The following PPM1L variants were observed in gnomAD, a reference collection of about 807,000 sequenced individuals.
PPM1L encodes protein phosphatase, Mg2+/Mn2+ dependent 1L.
A neutral mutation model predicts 31.4 loss-of-function variants in PPM1L; 13 were observed. The observed-to-expected ratio is 0.41, with a 90% CI of 0.27 to 0.66. The LOEUF (loss-of-function observed/expected upper bound fraction) is 0.66. Ranked by LOEUF, PPM1L falls within the 30% of genes least tolerant of loss-of-function variation. The pLI is 0.29. For synonymous variants in PPM1L, 184 were observed against 175.4 expected, an observed-to-expected ratio of 1.05 and a Z score of -0.39; for missense variants, 326 against 453.7, an observed-to-expected ratio of 0.72 and a Z score of 2.56.
chr3:160,775,765 G>GT (rs1711544586), intron 1 of PPM1L, among the ~76,000 whole-genome samples: 1 of 152,196 alleles, frequency 6.6e-6, no homozygotes, highest in Admixed American at 6.5e-5. Flanking sequence ...GTTTTCAAAC[G>GT]TAAGTGCAAG....
At chr3:160,797,349 C>T (rs1712278373) in intron 1 of PPM1L, among the ~76,000 whole-genome samples, 1 of 152,154 alleles carries the variant, frequency 6.6e-6, no homozygotes, top group African/African-American at 2.4e-5. Context: ...CTGACTACTC[C>T]ATTGACCCAC....
chr3:160,854,825 C>T (rs901234935), intron 1 of PPM1L, among the ~76,000 whole-genome samples: 1 of 140,524 alleles, frequency 7.1e-6, no homozygotes, highest in South Asian at 2.3e-4. Flanking sequence ...ATCAAACTAC[C>T]AATGACATTG....
chr3:160,986,298 G>A (rs538672863), intron 2 of PPM1L, among the ~76,000 whole-genome samples: 1 of 152,326 alleles, frequency 6.6e-6, no homozygotes, highest in East Asian at 1.9e-4. Flanking sequence ...GGAACAGATT[G>A]AGGAAGGAAA....
intron 2 of PPM1L, among the ~76,000 whole-genome samples, chr3:161,006,340 A>G (rs1717703036): frequency 2.0e-5 from 3 of 152,190 alleles, no homozygotes; most frequent in Non-Finnish European, 2.9e-5. Flanking sequence ...GATGGGTGCC[A>G]GAGGCTGAGG....
At chr3:160,924,411 A>T in intron 1 of PPM1L, among the ~76,000 whole-genome samples, 1 of 152,226 alleles carries the variant, frequency 6.6e-6, no homozygotes, top group Middle Eastern at 3.2e-3. Context: ...TTCCAGAATC[A>T]AAAGGTCTAG....
At chr3:160,775,572 G>A (rs1157666536) in intron 1 of PPM1L, among the ~76,000 whole-genome samples, 2 of 152,168 alleles carry the variant, frequency 1.3e-5, no homozygotes, top group Admixed American at 1.3e-4. Flanking sequence ...CTAGGCAAGT[G>A]GTTTTCATCA....
At chr3:161,035,571 T>C (rs1718720710) in intron 2 of PPM1L, among the ~76,000 whole-genome samples, 1 of 152,232 alleles carries the variant, frequency 6.6e-6, no homozygotes, top group Admixed American at 6.5e-5. Context: ...GAATAGGAGA[T>C]GCAAGATTAA....
At chr3:160,866,712 C>G (rs549722593) in intron 1 of PPM1L, among the ~76,000 whole-genome samples, 2 of 152,240 alleles carry the variant, frequency 1.3e-5, no homozygotes, top group South Asian at 4.1e-4. Flanking sequence ...TAACTCATTC[C>G]CCCATATATT....
intron 2 of PPM1L, among the ~76,000 whole-genome samples, chr3:160,970,604 C>T (rs569280501): frequency 1.3e-5 from 2 of 151,566 alleles, no homozygotes; most frequent in South Asian, 2.1e-4. Flanking sequence ...CATGTGCAAC[C>T]ACGCCCAGCT....
At chr3:161,060,193 T>C (rs1253306028) in intron 2 of PPM1L, among the ~76,000 whole-genome samples, 4 of 152,156 alleles carry the variant, frequency 2.6e-5, no homozygotes, top group Non-Finnish European at 4.4e-5. Context: ...AAAAGGCCTC[T>C]CTGAAGATGT....
At position 160,993,803 on chromosome 3, in the gene PPM1L, C is replaced by T. The variant is rs560870265; in HGVS notation, c.574+31893C>T. Among the ~76,000 whole-genome samples, 16 of 152,198 alleles carry T rather than the reference C, an allele frequency of 1.1e-4. No homozygotes were observed. The South Asian group carries it at 1.5e-3, about 14-fold the overall frequency. ...CACAGCCAAGTTACAAAACTTGAAC[C>T]GACAAATGGTATATACAGACAGACA... is the stretch of plus-strand genomic sequence containing the variant. On this transcript the variant is annotated intron_variant, in intron 2 of 3. Coordinates refer to ENST00000498165, the MANE Select transcript of PPM1L (RefSeq NM_139245.4).
intron 1 of PPM1L, among the ~76,000 whole-genome samples, chr3:160,781,768 C>T (rs1486021478): frequency 3.3e-5 from 5 of 152,144 alleles, no homozygotes; most frequent in East Asian, 1.9e-4. Flanking sequence ...GGAAGCCTAA[C>T]GATATGGGGG....
At chr3:160,798,405 G>A (rs1017869755) in intron 1 of PPM1L, among the ~76,000 whole-genome samples, 4 of 152,154 alleles carry the variant, frequency 2.6e-5, no homozygotes, top group African/African-American at 9.7e-5. Flanking sequence ...CTTGTTAAGA[G>A]ATAATGTAGC....
At chr3:160,895,518 C>T (rs939196747) in intron 1 of PPM1L, among the ~76,000 whole-genome samples, 14 of 152,126 alleles carry the variant, frequency 9.2e-5, no homozygotes, top group African/African-American at 3.1e-4. Context: ...ATGCCCAGCC[C>T]ACCTGCTGTT....
chr3:160,981,275 T>G (rs1716787928), intron 2 of PPM1L, among the ~76,000 whole-genome samples: 1 of 152,216 alleles, frequency 6.6e-6, no homozygotes, highest in African/African-American at 2.4e-5. Context: ...TTCTCTCATG[T>G]AGTTGCATTC....
chr3:161,006,673 G>A (rs1347776737), intron 2 of PPM1L, among the ~76,000 whole-genome samples: 2 of 142,580 alleles, frequency 1.4e-5, no homozygotes, highest in African/African-American at 5.3e-5. Context: ...AAAACCCACC[G>A]TCTTTCCTTT....
intron 1 of PPM1L, among the ~76,000 whole-genome samples, chr3:160,760,729 T>G (rs745563285): frequency 1.2e-4 from 19 of 152,136 alleles, no homozygotes; most frequent in African/African-American, 4.1e-4. Flanking sequence ...TTTGTTTTTT[T>G]TTTTTAATAC....
chr3:160,881,263 A>G (rs1036021348), intron 1 of PPM1L, among the ~76,000 whole-genome samples: 3 of 152,116 alleles, frequency 2.0e-5, no homozygotes, highest in African/African-American at 4.8e-5. Context: ...TTATTGTTCT[A>G]TTGTTACTTC....
rs1183974506 is a variant in PPM1L at position 161,054,958 on chromosome 3, C to G, written c.575-10445C>G. On this transcript the variant is annotated intron_variant, in intron 2 of 3. Coordinates refer to ENST00000498165, the MANE Select transcript of PPM1L (RefSeq NM_139245.4). Reference sequence around the variant, plus strand: ...TACTACAAGACTTATTACAGGGGACCTATGGACTTGTGATTTGAATCGTAA... The same window carrying G: ...TACTACAAGACTTATTACAGGGGACGTATGGACTTGTGATTTGAATCGTAA... 3.3e-5 allele frequency among the ~76,000 whole-genome samples: 5 copies of G among 152,184 alleles called. No individual in the cohort carries two copies. The East Asian group carries it at 5.8e-4, about 18-fold the overall frequency.
Sources: gnomAD v4.1 joint callset for allele counts (sites outside exome capture counted in the v4.1 genomes callset) on GRCh38, gnomAD v4.1.1 for gene constraint, MANE v1.5 for transcripts, NCBI Gene and HGNC (gene_info 2026-07-23, HGNC 2026-07-21) for gene names.